Variants in ANXA8 observed in about 807,000 individuals in gnomAD.
ANXA8 encodes annexin A8, also known as VAC-beta.
Under a neutral mutation model 26.8 loss-of-function variants are expected in ANXA8, and 9 were observed. The observed-to-expected ratio is 0.34, with a 90% CI of 0.20 to 0.59. The LOEUF is 0.59. ANXA8 is among the 20% of genes least tolerant of loss of function. ANXA8 has a pLI of 0.84. For missense variants in ANXA8, 83 were observed against 238.5 expected (o/e 0.35, Z 4.29); for synonymous variants, 39 against 94.8 (o/e 0.41, Z 3.42).
the ANXA8 span, among the ~76,000 whole-genome samples, chr10:47,496,738 T>C: frequency 6.7e-6 from 1 of 148,928 alleles, no homozygotes; most frequent in Admixed American, 6.8e-5. Flanking sequence ...TCAGTATTTA[T>C]GAAATGTTCC....
At chr10:47,952,549 T>C in the ANXA8 span, among the ~76,000 whole-genome samples, 3 of 147,236 alleles carry the variant, frequency 2.0e-5, no homozygotes, top group Non-Finnish European at 3.0e-5. Flanking sequence ...AAAATCTCTG[T>C]GTAAAAAACT....
intron 11 of ANXA8, among the ~76,000 whole-genome samples, chr10:47,470,268 T>A (rs1839292674): frequency 6.6e-6 from 1 of 151,352 alleles, no homozygotes; most frequent in African/African-American, 2.5e-5. Flanking sequence ...TATTCATGAT[T>A]CTAACTCAAT....
chr10:47,674,369 C>A, the ANXA8 span, among the ~76,000 whole-genome samples: 2 of 151,066 alleles, frequency 1.3e-5, no homozygotes, highest in African/African-American at 2.4e-5. Flanking sequence ...TAGGCTCATG[C>A]AATCCTCCCA....
chr10:47,659,657 C>G, the ANXA8 span, among the ~76,000 whole-genome samples: 2 of 133,364 alleles, frequency 1.5e-5, no homozygotes, highest in Non-Finnish European at 3.1e-5. Context: ...GCCTGGGCAA[C>G]AAGAGCGAAA....
At chr10:47,685,260 C>T in the ANXA8 span, among the ~76,000 whole-genome samples, 5 of 150,324 alleles carry the variant, frequency 3.3e-5, no homozygotes, top group African/African-American at 1.2e-4. Context: ...GTAGGAGAAT[C>T]GCTTGAACCC....
At chr10:47,585,036 T>TACC in the ANXA8 span, among the ~76,000 whole-genome samples, 1 of 145,640 alleles carries the variant, frequency 6.9e-6, no homozygotes, top group Non-Finnish European at 1.5e-5. Context: ...TTGCAGTGAG[T>TACC]GAGATGGCAC....
At chr10:47,664,225 A>C in the ANXA8 span, among the ~76,000 whole-genome samples, 1 of 151,896 alleles carries the variant, frequency 6.6e-6, no homozygotes, top group African/African-American at 2.4e-5. Context: ...AAAATACAAA[A>C]AAATGAGCCG....
chr10:47,622,235 C>T, the ANXA8 span, among the ~76,000 whole-genome samples: 3 of 112,042 alleles, frequency 2.7e-5, 1 homozygote, highest in African/African-American at 1.0e-4. Context: ...CCCGCTTTGT[C>T]CTCCTTGTAG....
chr10:47,557,880 T>C, the ANXA8 span, among the ~76,000 whole-genome samples: 1 of 151,852 alleles, frequency 6.6e-6, no homozygotes, highest in Admixed American at 6.6e-5. Context: ...TGGTTTTCAC[T>C]GAATCTTTTT....
chr10:47,501,478 G>A, the ANXA8 span, among the ~76,000 whole-genome samples: 13 of 137,574 alleles, frequency 9.4e-5, 3 homozygotes, highest in Admixed American at 9.7e-4. Flanking sequence ...GGGAGGCCGA[G>A]GCAGGTGGAT....
At chr10:47,744,470 A>G in the ANXA8 span, among the ~76,000 whole-genome samples, 1 of 101,480 alleles carries the variant, frequency 9.9e-6, no homozygotes, top group Non-Finnish European at 1.9e-5. Context: ...TACCAAGCTG[A>G]TGTACAAAGA....
chr10:47,658,846 T>A, the ANXA8 span, among the ~76,000 whole-genome samples: 976 of 131,194 alleles, frequency 7.4e-3, 4 homozygotes, highest in African/African-American at 0.016. Context: ...TTTATTTATT[T>A]ATTATTTATT....
At chr10:47,722,490 T>C in the ANXA8 span, among the ~76,000 whole-genome samples, 1 of 139,592 alleles carries the variant, frequency 7.2e-6, no homozygotes, top group South Asian at 2.2e-4. Flanking sequence ...CTCAAGAGGT[T>C]GTAATCAAGG....
chr10:47,981,006 A>G, the ANXA8 span, among the ~76,000 whole-genome samples: 5 of 151,422 alleles, frequency 3.3e-5, no homozygotes, highest in Non-Finnish European at 5.9e-5. Context: ...AGACATTCTA[A>G]GAGAACACAG....
chr10:47,744,410 GT>G, the ANXA8 span, among the ~76,000 whole-genome samples: 456 of 53,496 alleles, frequency 8.5e-3, 6 homozygotes, highest in Middle Eastern at 0.017. Flanking sequence ...AAGGCTCCTG[GT>G]GGGGGGGGGG....
chr10:47,480,859 C>CCCGCCCAT (rs1310948143), intron 1 of ANXA8, among the ~76,000 whole-genome samples: 1 of 128,484 alleles, frequency 7.8e-6, no homozygotes, highest in African/African-American at 2.7e-5. Flanking sequence ...TATGCACCCG[C>CCCGCCCAT]CCATCCATCC....
At chr10:47,603,454 G>T in the ANXA8 span, among the ~76,000 whole-genome samples, 2 of 148,832 alleles carry the variant, frequency 1.3e-5, no homozygotes, top group African/African-American at 2.6e-5. Flanking sequence ...ATCTGCCATT[G>T]TATATAATAT....
the ANXA8 span, chr10:47,502,594 C>T: frequency 2.2e-5 from 35 of 1,572,060 alleles, 3 homozygotes; most frequent in South Asian, 7.8e-5. Context: ...ACGGGAAAGG[C>T]GGGTGCCAAA....
At chr10:47,988,497 G>A in the ANXA8 span, among the ~76,000 whole-genome samples, 12 of 112,736 alleles carry the variant, frequency 1.1e-4, no homozygotes, top group Non-Finnish European at 1.6e-4. Context: ...GCATGTGCCC[G>A]GATCTGGCCT....
Sources: gnomAD v4.1 joint callset for allele counts (sites outside exome capture counted in the v4.1 genomes callset) on GRCh38, gnomAD v4.1.1 for gene constraint, MANE v1.5 for transcripts, NCBI Gene and HGNC (gene_info 2026-07-23, HGNC 2026-07-21) for gene names.